Variants in RAD51AP1 observed in about 807,000 individuals in gnomAD.
RAD51AP1 encodes the protein RAD51 associated protein 1.
A neutral mutation model predicts 34.3 loss-of-function variants in RAD51AP1; 14 were observed. The ratio of observed to expected loss-of-function variants is 0.41; its 90% CI spans 0.27 to 0.64. The LOEUF (loss-of-function observed/expected upper bound fraction) is 0.64. Ranked by LOEUF, RAD51AP1 falls within the 30% of genes least tolerant of loss-of-function variation. The pLI is 0.33. For missense variants in RAD51AP1, 348 were observed against 386.9 expected (o/e 0.90, Z 0.84); for synonymous variants, 114 against 129.8 (o/e 0.88, Z 0.83).
chr12:4,553,004 C>G lies in RAD51AP1; in HGVS notation c.578C>G (p.Ser193Cys), dbSNP rs1430867745. Residue 193 changes from serine (S) to cysteine (C), a missense_variant, in exon 7 of 9, where the codon TCT becomes TGT. Coordinates refer to ENST00000352618, the MANE Select transcript of RAD51AP1 (RefSeq NM_006479.5). Reference protein sequence around the residue: ...FAPGEDSEDDSDFCESEDNDE... With the variant: ...FAPGEDSEDDCDFCESEDNDE... ...TTAGGTGAAGATTCTGAGGATGATTCTGATTTTTGTGAGAGTGAGGATAAT... is the reference window on the plus strand; with the variant it reads ...TTAGGTGAAGATTCTGAGGATGATTGTGATTTTTGTGAGAGTGAGGATAAT... The G allele has an allele frequency of 2.5e-6, 4 of 1,588,018 alleles. No individual in the cohort carries two copies. Among genetic ancestry groups the G allele is most frequent in the Non-Finnish European group, 3.4e-6 (4 of 1,172,496 alleles).
chr12:4,539,879 G>A (rs1944445834), intron 1 of RAD51AP1, among the ~76,000 whole-genome samples: 1 of 152,192 alleles, frequency 6.6e-6, no homozygotes. Flanking sequence ...AGTCAGTGGA[G>A]GGTTTTAAGT....
At chr12:4,541,225 A>AT (rs1944464344) in intron 1 of RAD51AP1, among the ~76,000 whole-genome samples, 2 of 152,170 alleles carry the variant, frequency 1.3e-5, no homozygotes, top group Admixed American at 1.3e-4. Flanking sequence ...GCTGGTAAGT[A>AT]TATAATGCAG....
intron 6 of RAD51AP1, among the ~76,000 whole-genome samples, chr12:4,551,919 T>G (rs1258361743): frequency 6.6e-6 from 1 of 152,290 alleles, no homozygotes; most frequent in East Asian, 1.9e-4. Flanking sequence ...CTGTCTACTG[T>G]GGTATAGGTT....
chr12:4,546,505 A>G, intron 4 of RAD51AP1, 87 bp downstream of exon 4: 1 of 863,062 alleles, frequency 1.2e-6, no homozygotes, highest in East Asian at 2.5e-5. Flanking sequence ...CAGAGGAAAC[A>G]GGTAAAATGT....
At position 4,548,143 on chromosome 12, in the gene RAD51AP1, A is replaced by G. The variant is rs763845682; in HGVS notation, c.371A>G (p.His124Arg). 1.2e-5 allele frequency: 19 copies of G among 1,603,324 alleles called. No homozygotes were observed. The highest frequency in any genetic ancestry group is 6.8e-5 in the East Asian group (3 of 44,406). The part of the protein sequence containing the change: ...SKIETMNKSP[H>R]ISNCSVASDY... ...ATAGAAACAATGAATAAGTCTCCTC[A>G]TATCTCTAATTGCAGTGTAGCCAGT... is the stretch of plus-strand genomic sequence containing the variant. The change falls in exon 5 of 9, where the codon CAT becomes CGT. Residue 124 changes from histidine to arginine, a missense_variant. Transcript: ENST00000352618.
chr12:4,546,413 A>T lies in RAD51AP1; in HGVS notation c.314A>T (p.Asp105Val), dbSNP rs1352663461. 1 of 1,598,504 alleles carries T rather than the reference A, an allele frequency of 6.3e-7. No homozygotes were observed. Among genetic ancestry groups the T allele is most frequent in the East Asian group, 2.2e-5 (1 of 44,748 alleles). Reference protein sequence around the residue: ...TVTTNVQNSQDKSIEKHGSSK... With the variant: ...TVTTNVQNSQVKSIEKHGSSK... ...ACCACTAATGTGCAGAACTCTCAAG[A>T]TAAAAGTAACTTTATTTTCTGTATA... Residue 105 changes from aspartate (D) to valine (V), a missense_variant, in exon 4 of 9, where the codon GAT (aspartate) becomes GTT (valine). Transcript: ENST00000352618.
At position 4,548,112 on chromosome 12, in the gene RAD51AP1, A is replaced by G. The variant is rs766465250; in HGVS notation, c.340A>G (p.Ser114Gly). The part of the protein sequence containing the change: ...QDKSIEKHGS[S>G]KIETMNKSPH... ...TTTAGGCATTGAAAAACATGGCAGTAGTAAAATAGAAACAATGAATAAGTC... is the reference window on the plus strand; with the variant it reads ...TTTAGGCATTGAAAAACATGGCAGTGGTAAAATAGAAACAATGAATAAGTC... Residue 114 changes from serine to glycine, a missense_variant, in exon 5 of 9, where the codon AGT (serine) becomes GGT (glycine). Coordinates refer to ENST00000352618, the MANE Select transcript of RAD51AP1 (RefSeq NM_006479.5). 1.7e-5 allele frequency: 28 copies of G among 1,600,850 alleles called. No homozygotes were observed. The highest frequency in any genetic ancestry group is 2.4e-5 in the Non-Finnish European group (28 of 1,176,842).
At chr12:4,540,833 C>T (rs1229934208) in intron 1 of RAD51AP1, among the ~76,000 whole-genome samples, 3 of 152,078 alleles carry the variant, frequency 2.0e-5, no homozygotes, top group Admixed American at 6.5e-5. Context: ...TATACTGATG[C>T]GTGATAGTTA....
chr12:4,548,897 A>C, intron 6 of RAD51AP1, 61 bp downstream of exon 6: 2 of 1,564,912 alleles, frequency 1.3e-6, no homozygotes, highest in Non-Finnish European at 1.7e-6. Flanking sequence ...AGTTCTTGGA[A>C]GCTATTAATT....
Position 4,538,935 on chromosome 12 carries a change from G to T in RAD51AP1, c.-5G>T. On this transcript the variant is annotated 5_prime_UTR_variant, in exon 1 of 9. Transcript: ENST00000352618. ...AACTGTAAATACCAAGCCTTGAAAGGGACCATGGTGCGGCCTGTGAGGTGG... is the reference window on the plus strand; with the variant it reads ...AACTGTAAATACCAAGCCTTGAAAGTGACCATGGTGCGGCCTGTGAGGTGG... The T allele has an allele frequency of 6.2e-7, 1 of 1,614,092 alleles. No homozygotes were observed. Among genetic ancestry groups the T allele is most frequent in the Non-Finnish European group, 8.5e-7 (1 of 1,179,940 alleles).
At chr12:4,548,555 C>T in intron 5 of RAD51AP1, 132 bp from the exon 6 acceptor site, 1 of 1,074,290 alleles carries the variant, frequency 9.3e-7, no homozygotes, top group Non-Finnish European at 1.3e-6. Flanking sequence ...GGCTAATAGT[C>T]TATTACTGGA....
intron 3 of RAD51AP1, among the ~76,000 whole-genome samples, chr12:4,545,540 A>G (rs1159525652): frequency 6.6e-6 from 1 of 152,220 alleles, no homozygotes; most frequent in Non-Finnish European, 1.5e-5. Flanking sequence ...TTTACTTTAA[A>G]AGGTAAACTT....
At chr12:4,547,870 A>G (rs928269928) in intron 4 of RAD51AP1, among the ~76,000 whole-genome samples, 1 of 152,250 alleles carries the variant, frequency 6.6e-6, no homozygotes, top group Non-Finnish European at 1.5e-5. Flanking sequence ...GCCCATGGTC[A>G]TATAGCCAGT....
chr12:4,543,962 C>A (rs1307614007), intron 3 of RAD51AP1, 58 bp downstream of exon 3: 8 of 1,382,926 alleles, frequency 5.8e-6, no homozygotes. Context: ...TTTAAAGAGA[C>A]ACAGATTCGA....
chr12:4,560,017 TA>T lies in RAD51AP1; in HGVS notation c.*1025del, dbSNP rs1156358836. Reference sequence around the variant, plus strand: ...TATATTAATGTGAAAATAATTAATTTAGAATTGTGATTAAAGTGAGCATTTG... The same window carrying T: ...TATATTAATGTGAAAATAATTAATTTGAATTGTGATTAAAGTGAGCATTTG... On this transcript the variant is annotated 3_prime_UTR_variant, in exon 9 of 9. Transcript: ENST00000352618. 1 of 152,258 alleles carries T rather than the reference TA, an allele frequency of 6.6e-6. No homozygotes were observed. Among genetic ancestry groups the T allele is most frequent in the East Asian group, 1.9e-4 (1 of 5,206 alleles). 9.4% of individuals were successfully genotyped at this position (152,258 alleles called of 1,614,324 possible).
At chr12:4,555,445 A>G (rs931510792) in intron 7 of RAD51AP1, among the ~76,000 whole-genome samples, 2 of 152,084 alleles carry the variant, frequency 1.3e-5, no homozygotes, top group Admixed American at 1.3e-4. Flanking sequence ...CTCCTACACT[A>G]CCACCAGAAA....
Position 4,543,896 on chromosome 12 carries a change from TAA to T in RAD51AP1, c.207_208del (p.Arg70AspfsTer5). On this transcript the variant is annotated frameshift_variant, in exon 3 of 9. Coordinates refer to ENST00000352618, the MANE Select transcript of RAD51AP1 (RefSeq NM_006479.5). LOFTEE classifies it high-confidence loss of function. ...EEIPVQEKTP[K>X]KRMALDDKLY... Reference sequence around the variant, plus strand: ...AAATCCCAGTACAAGAGAAAACCCCTAAAAAAAGGTGAGAGGTAAGACATGCA... The same window carrying T: ...AAATCCCAGTACAAGAGAAAACCCCTAAAAAGGTGAGAGGTAAGACATGCA... 1 of 1,604,876 alleles carries T rather than the reference TAA, an allele frequency of 6.2e-7. No homozygotes were observed. Among genetic ancestry groups the T allele is most frequent in the Non-Finnish European group, 8.5e-7 (1 of 1,176,508 alleles).
At chr12:4,545,228 G>T (rs1396008169) in intron 3 of RAD51AP1, 4 of 454,124 alleles carry the variant, frequency 8.8e-6, no homozygotes, top group Non-Finnish European at 1.3e-5. Context: ...GCCATAGAAA[G>T]AAATGACAAC....
chr12:4,559,859 T>A lies in RAD51AP1; in HGVS notation c.*866T>A, dbSNP rs1231994014. 6.6e-6 allele frequency: 1 copy of A among 152,190 alleles called. No individual in the cohort carries two copies. Among genetic ancestry groups the A allele is most frequent in the Non-Finnish European group, 1.5e-5 (1 of 68,020 alleles). 9.4% of individuals were successfully genotyped at this position (152,190 alleles called of 1,614,324 possible). A position where few individuals can be genotyped will look rare whatever the true frequency, so the allele number is the denominator to read the frequency against. On this transcript the variant is annotated 3_prime_UTR_variant, in exon 9 of 9. Coordinates refer to ENST00000352618, the MANE Select transcript of RAD51AP1 (RefSeq NM_006479.5). ...ATCTGAATTTACTTTGAAAAACAAT[T>A]GTAATGAATATTTTATATTTACATT...
Sources: gnomAD v4.1 joint callset for allele counts (sites outside exome capture counted in the v4.1 genomes callset) on GRCh38, gnomAD v4.1.1 for gene constraint, MANE v1.5 for transcripts, NCBI Gene and HGNC (gene_info 2026-07-23, HGNC 2026-07-21) for gene names.